OR56A3: variants seen among roughly 807,000 people sequenced by gnomAD.
OR56A3 encodes olfactory receptor family 56 subfamily A member 3.
In OR56A3, 23 loss-of-function variants were observed where a neutral mutation model predicts 17.5. That is an observed-to-expected ratio of 1.32 (90% confidence interval 0.95 to 1.87). OR56A3 has a LOEUF of 1.87. OR56A3 is among the 40% of genes most tolerant of loss of function. The probability of loss-of-function intolerance (pLI) is 0.00; values close to 1 mark genes in which losing one functional copy is unlikely to be tolerated. For missense variants in OR56A3, 366 were observed against 380.1 expected (o/e 0.96, Z 0.31); for synonymous variants, 175 against 150.6 (o/e 1.16, Z -1.19).
the OR56A3 span, among the ~76,000 whole-genome samples, chr11:5,983,888 T>A: frequency 6.6e-6 from 1 of 152,244 alleles, no homozygotes; most frequent in Non-Finnish European, 1.5e-5. Flanking sequence ...TTTTTTGTAT[T>A]TAAATACCAT....
At chr11:5,960,701 C>T in the OR56A3 span, among the ~76,000 whole-genome samples, 54 of 152,128 alleles carry the variant, frequency 3.5e-4, no homozygotes, top group Non-Finnish European at 7.4e-4. Flanking sequence ...AAGTGAGGAG[C>T]GTCTCTGCCT....
At chr11:5,999,524 T>C in the OR56A3 span, 1 of 152,236 alleles carries the variant, frequency 6.6e-6, no homozygotes, top group East Asian at 1.9e-4. Flanking sequence ...TTATTTTATC[T>C]GAGAATAAAA....
the OR56A3 span, among the ~76,000 whole-genome samples, chr11:6,009,491 A>T: frequency 6.6e-6 from 1 of 152,212 alleles, no homozygotes; most frequent in African/African-American, 2.4e-5. Flanking sequence ...TGTGTATTCA[A>T]ATTTAATATA....
chr11:6,001,407 T>C, the OR56A3 span: 2 of 152,084 alleles, frequency 1.3e-5, no homozygotes, highest in Admixed American at 6.5e-5. Context: ...AGAAAGAAAA[T>C]CTAAGTAGAG....
the OR56A3 span, among the ~76,000 whole-genome samples, chr11:5,958,985 A>G: frequency 6.6e-6 from 1 of 152,214 alleles, no homozygotes; most frequent in Non-Finnish European, 1.5e-5. Context: ...GCTGAATAGT[A>G]TTTCATTAAA....
the OR56A3 span, among the ~76,000 whole-genome samples, chr11:5,959,364 G>C: frequency 6.6e-6 from 1 of 152,122 alleles, no homozygotes; most frequent in African/African-American, 2.4e-5. Flanking sequence ...AAAGGAGTAA[G>C]GTGACATCTC....
At chr11:5,976,639 A>G in the OR56A3 span, among the ~76,000 whole-genome samples, 93 of 152,222 alleles carry the variant, frequency 6.1e-4, no homozygotes, top group Middle Eastern at 3.4e-3. Context: ...AATCTTTTCA[A>G]AAAATCCAGT....
At position 5,949,303 on chromosome 11, in the gene OR56A3, C is replaced by T. The variant is rs1343734914; in HGVS notation, c.*1009C>T. The T allele has an allele frequency of 6.6e-6, 1 of 152,120 alleles. No individual in the cohort carries two copies. The highest frequency in any genetic ancestry group is 1.5e-5 in the Non-Finnish European group (1 of 68,026). The allele number at this position is 152,120 out of a possible 1,614,324, so 9.4% of individuals were successfully genotyped here. ...GCACTCCAGAACACATTCTTCTAAACTGTAGAGCAGTGAGGAATGGGATAA... is the reference window on the plus strand; with the variant it reads ...GCACTCCAGAACACATTCTTCTAAATTGTAGAGCAGTGAGGAATGGGATAA... On this transcript the variant is annotated 3_prime_UTR_variant, in exon 3 of 3. Transcript: ENST00000641160.
chr11:5,947,199 C>T (rs191022034), intron 2 of OR56A3, 112 bp from the exon 3 acceptor site: 31 of 678,398 alleles, frequency 4.6e-5, no homozygotes, highest in East Asian at 4.4e-4. Context: ...CAGATGAATT[C>T]GCTTGGCTCT....
Position 5,948,375 on chromosome 11 carries a change from C to A in OR56A3, c.*81C>A. 2 of 944,458 alleles carry A rather than the reference C, an allele frequency of 2.1e-6. No homozygotes were observed. The highest frequency in any genetic ancestry group is 3.2e-6 in the Non-Finnish European group (2 of 620,982). The allele number at this position is 944,458 out of a possible 1,614,324, so 58.5% of individuals were successfully genotyped here. On this transcript the variant is annotated 3_prime_UTR_variant, in exon 3 of 3. Coordinates refer to ENST00000641160, the MANE Select transcript of OR56A3 (RefSeq NM_001003443.3). ...TGAGTGAGTGGGCTGAAATTCATAT[C>A]TGTGACTTATAACCTCAAACTGGGT... is the stretch of plus-strand genomic sequence containing the variant.
At chr11:5,956,827 A>G in the OR56A3 span, among the ~76,000 whole-genome samples, 38,190 of 152,080 alleles carry the variant, frequency 0.25, 4,831 homozygotes, top group Non-Finnish European at 0.27. Context: ...ATATTTCTAC[A>G]CACTTCCAAA....
At chr11:5,968,357 G>A in the OR56A3 span, 61 of 1,613,908 alleles carry the variant, frequency 3.8e-5, 1 homozygote, top group South Asian at 5.5e-4. Flanking sequence ...TCAGAAGGGT[G>A]GCATTGGCCC....
the OR56A3 span, among the ~76,000 whole-genome samples, chr11:6,013,834 G>A: frequency 6.6e-6 from 1 of 152,070 alleles, no homozygotes; most frequent in African/African-American, 2.4e-5. Context: ...TGCTACCTGG[G>A]GGCCTGAGGA....
At chr11:6,005,546 C>A in the OR56A3 span, among the ~76,000 whole-genome samples, 1 of 152,092 alleles carries the variant, frequency 6.6e-6, no homozygotes, top group African/African-American at 2.4e-5. Flanking sequence ...TGAAAAGGAA[C>A]GTGATATGCA....
chr11:6,017,982 A>G, the OR56A3 span, among the ~76,000 whole-genome samples: 1 of 152,144 alleles, frequency 6.6e-6, no homozygotes, highest in Non-Finnish European at 1.5e-5. Context: ...GAAGGTCATT[A>G]TATGATGACA....
the OR56A3 span, among the ~76,000 whole-genome samples, chr11:6,004,499 CA>C: frequency 6.6e-6 from 1 of 152,132 alleles, no homozygotes; most frequent in Non-Finnish European, 1.5e-5. Flanking sequence ...CTTTAGCTGC[CA>C]GAGAAGATAA....
In OR56A3 at chr11:5,948,456, T is replaced by A; in HGVS notation, c.*162T>A. ...CATCGGTTTTAATTTAAGTCTATCTTCCTTTTCACCCTTTTCTCAGAAATA... is the reference window on the plus strand; with the variant it reads ...CATCGGTTTTAATTTAAGTCTATCTACCTTTTCACCCTTTTCTCAGAAATA... On this transcript the variant is annotated 3_prime_UTR_variant, in exon 3 of 3. Transcript: ENST00000641160. 1 of 579,410 alleles carries A rather than the reference T, an allele frequency of 1.7e-6. No homozygotes were observed. The highest frequency in any genetic ancestry group is 2.8e-5 in the East Asian group (1 of 35,870). 35.9% of individuals were successfully genotyped at this position (579,410 alleles called of 1,614,324 possible).
the OR56A3 span, among the ~76,000 whole-genome samples, chr11:5,963,404 T>C: frequency 6.6e-6 from 1 of 152,172 alleles, no homozygotes; most frequent in African/African-American, 2.4e-5. Flanking sequence ...TCTGGGAGTC[T>C]TTATCTCTCC....
chr11:6,002,312 A>G, the OR56A3 span: 2 of 1,614,238 alleles, frequency 1.2e-6, no homozygotes, highest in Non-Finnish European at 1.7e-6. Context: ...TCCTAAGCAC[A>G]ACTTTCAATA....
Sources: allele counts gnomAD v4.1 joint callset (sites outside exome capture counted in the v4.1 genomes callset), GRCh38; gene constraint gnomAD v4.1.1; transcripts MANE v1.5; gene names NCBI Gene and HGNC (gene_info 2026-07-23, HGNC 2026-07-21).